MYO6: variants seen among roughly 807,000 people sequenced by gnomAD.
MYO6 encodes the protein myosin VI, also known as unconventional myosin-VI.
Under a neutral mutation model 178.7 loss-of-function variants are expected in MYO6, and 74 were observed. That is an observed-to-expected ratio of 0.41 (90% CI 0.34 to 0.50). MYO6 has a LOEUF of 0.50. Ranked by LOEUF, MYO6 falls within the 20% of genes least tolerant of loss-of-function variation. The pLI, the probability that MYO6 is intolerant of heterozygous loss-of-function variation, is 0.09. For synonymous variants in MYO6, 477 were observed against 504.6 expected, an observed-to-expected ratio of 0.95 and a Z score of 0.73; for missense variants, 1,330 against 1,547.4, an observed-to-expected ratio of 0.86 and a Z score of 2.36.
At chr6:75,828,133 A>T (rs1305481123) in intron 3 of MYO6, among the ~76,000 whole-genome samples, 1 of 152,144 alleles carries the variant, frequency 6.6e-6, no homozygotes, top group African/African-American at 2.4e-5. Flanking sequence ...CCATTCTAAA[A>T]TTTTATCTTT....
At chr6:75,818,506 A>G (rs1450612972) in intron 2 of MYO6, among the ~76,000 whole-genome samples, 1 of 152,234 alleles carries the variant, frequency 6.6e-6, no homozygotes, top group Non-Finnish European at 1.5e-5. Flanking sequence ...TTTTAGTTTA[A>G]TAAGTATGCC....
At chr6:75,852,344 A>G (rs767209016) in intron 11 of MYO6, among the ~76,000 whole-genome samples, 16 of 151,800 alleles carry the variant, frequency 1.1e-4, no homozygotes, top group Admixed American at 2.0e-4. Flanking sequence ...TTTTTTTGGT[A>G]GGAGCTTTAT....
At chr6:75,890,387 C>T (rs1007637819) in intron 26 of MYO6, 122 bp downstream of exon 26, 66 of 1,412,228 alleles carry the variant, frequency 4.7e-5, no homozygotes, top group Non-Finnish European at 6.2e-5. Context: ...TGCTCTGTTG[C>T]CCAGGCTGGA....
intron 7 of MYO6, among the ~76,000 whole-genome samples, 165 bp from the exon 8 acceptor site, chr6:75,840,420 C>G (rs1774103028): frequency 6.6e-6 from 1 of 152,100 alleles, no homozygotes; most frequent in Non-Finnish European, 1.5e-5. Context: ...CTCGGCCTCC[C>G]AAAGTGCTGG....
chr6:75,853,603 G>A (rs1775472546), intron 11 of MYO6, among the ~76,000 whole-genome samples: 1 of 152,064 alleles, frequency 6.6e-6, no homozygotes, highest in East Asian at 1.9e-4. Flanking sequence ...TTTCCTCAGT[G>A]AATTGTCCCA....
chr6:75,906,142 T>G (rs1344440494), intron 30 of MYO6, among the ~76,000 whole-genome samples: 2 of 149,830 alleles, frequency 1.3e-5, no homozygotes, highest in African/African-American at 4.8e-5. Context: ...GTGTCACACC[T>G]AAGAAGCAAT....
chr6:75,894,903 T>C, intron 28 of MYO6: 2 of 1,085,664 alleles, frequency 1.8e-6, no homozygotes, highest in Admixed American at 2.8e-5. Flanking sequence ...ATTACACATA[T>C]GATTCTTGAT....
At chr6:75,892,714 A>G in intron 28 of MYO6, 24 bp downstream of exon 28, 1 of 1,611,584 alleles carries the variant, frequency 6.2e-7, no homozygotes, top group Non-Finnish European at 8.5e-7. Flanking sequence ...TGGGTGGGGT[A>G]TAGCGCTCTC....
intron 2 of MYO6, 60 bp from the exon 3 acceptor site, chr6:75,822,722 T>C (rs1772018469): frequency 1.5e-6 from 2 of 1,359,594 alleles, no homozygotes; most frequent in African/African-American, 2.9e-5. Flanking sequence ...AATTAAGCCC[T>C]TCTATTGTTC....
chr6:75,794,327 G>A (rs1289782908), intron 1 of MYO6, among the ~76,000 whole-genome samples: 1 of 152,154 alleles, frequency 6.6e-6, no homozygotes, highest in Non-Finnish European at 1.5e-5. Flanking sequence ...CTTAATGTAT[G>A]TAGCACAATG....
At chr6:75,751,858 G>C (rs1007515246) in intron 1 of MYO6, among the ~76,000 whole-genome samples, 2 of 152,108 alleles carry the variant, frequency 1.3e-5, no homozygotes, top group African/African-American at 4.8e-5. Flanking sequence ...TGATAGTTGA[G>C]ACTCCATTTT....
At chr6:75,779,495 C>G (rs1241170569) in intron 1 of MYO6, among the ~76,000 whole-genome samples, 1 of 151,284 alleles carries the variant, frequency 6.6e-6, no homozygotes, top group African/African-American at 2.4e-5. Context: ...GAGTGAGATT[C>G]CATCTGAAAA....
chr6:75,800,333 G>A (rs1201024286), intron 1 of MYO6, among the ~76,000 whole-genome samples: 1 of 152,162 alleles, frequency 6.6e-6, no homozygotes, highest in Non-Finnish European at 1.5e-5. Context: ...CCTGGGAGCT[G>A]CCGAGAAGTA....
intron 30 of MYO6, among the ~76,000 whole-genome samples, chr6:75,906,831 A>G (rs1581990116): frequency 6.6e-6 from 1 of 152,210 alleles, no homozygotes; most frequent in East Asian, 1.9e-4. Context: ...GTGCTACTAA[A>G]TGAGTCATGA....
At chr6:75,752,945 A>G (rs547767266) in intron 1 of MYO6, among the ~76,000 whole-genome samples, 2 of 152,344 alleles carry the variant, frequency 1.3e-5, no homozygotes, top group East Asian at 1.9e-4. Context: ...TGCAGTAGCT[A>G]TCCTTTAAAT....
intron 18 of MYO6, among the ~76,000 whole-genome samples, chr6:75,869,092 T>C (rs1383616810): frequency 6.8e-6 from 1 of 148,028 alleles, no homozygotes; most frequent in Non-Finnish European, 1.5e-5. Context: ...TTTTTTTTTT[T>C]TTTTGGAGAA....
At chr6:75,887,829 AT>A (rs1416255780) in intron 25 of MYO6, among the ~76,000 whole-genome samples, 1 of 148,294 alleles carries the variant, frequency 6.7e-6, no homozygotes, top group Non-Finnish European at 1.5e-5. Context: ...AAAAAAAAAA[AT>A]TAGCCAGGCG....
chr6:75,839,920 G>A (rs1774048216), intron 7 of MYO6, among the ~76,000 whole-genome samples: 1 of 151,590 alleles, frequency 6.6e-6, no homozygotes, highest in African/African-American at 2.4e-5. Context: ...TCTAAGTACT[G>A]TTGTGGGCCT....
chr6:75,824,383 C>T (rs1422194175), intron 3 of MYO6, among the ~76,000 whole-genome samples: 1 of 152,108 alleles, frequency 6.6e-6, no homozygotes, highest in African/African-American at 2.4e-5. Context: ...TTTCTGAAAC[C>T]ACATTATTAA....
Sources: allele counts gnomAD v4.1 joint callset (sites outside exome capture counted in the v4.1 genomes callset), GRCh38; gene constraint gnomAD v4.1.1; transcripts MANE v1.5; gene names NCBI Gene and HGNC (gene_info 2026-07-23, HGNC 2026-07-21).